The following SLC24A2 variants were observed in gnomAD, a reference collection of about 807,000 sequenced individuals.
SLC24A2 encodes solute carrier family 24 member 2, also known as sodium/potassium/calcium exchanger 2.
A neutral mutation model predicts 62.0 loss-of-function variants in SLC24A2; 36 were observed. That is an observed-to-expected ratio of 0.58 (90% CI 0.44 to 0.77). The LOEUF (loss-of-function observed/expected upper bound fraction) is 0.77, where lower values mean the gene tolerates loss of function less well. SLC24A2 is among the 30% of genes least tolerant of loss of function. SLC24A2 has a pLI of 0.00. For missense variants in SLC24A2, 846 were observed against 817.9 expected (o/e 1.03, Z -0.42); for synonymous variants, 358 against 294.0 (o/e 1.22, Z -2.23).
rs1222233328 is a variant in SLC24A2, at chr9:19,672,451, A to C, written c.931-50152T>G. 3.4e-5 allele frequency among the ~76,000 whole-genome samples: 5 copies of C among 145,962 alleles called. No individual in the cohort carries two copies. In the East Asian group the frequency reaches 9.6e-4, roughly 28 times the overall value. On this transcript the variant is annotated intron_variant, in intron 2 of 10. Transcript: ENST00000341998. The stretch of plus-strand genomic sequence containing the variant: ...TCTCTCTTCTTTGTTAATCTTGCTA[A>C]TGGTCTATCAATTTTATTTATCTTT...
At chr9:19,780,928 G>C (rs563961583) in intron 2 of SLC24A2, among the ~76,000 whole-genome samples, 2 of 136,614 alleles carry the variant, frequency 1.5e-5, no homozygotes, top group South Asian at 4.8e-4. Flanking sequence ...AAGGGAAAAA[G>C]AGAGTTAGAA....
intron 8 of SLC24A2, among the ~76,000 whole-genome samples, chr9:19,539,069 A>G (rs1312922249): frequency 1.0e-4 from 8 of 77,006 alleles, no homozygotes; most frequent in African/African-American, 4.2e-4. Context: ...ATCATTTTTT[A>G]TTGTGTCTAT....
At chr9:20,291,499 G>T in the SLC24A2 span, among the ~76,000 whole-genome samples, 3 of 152,096 alleles carry the variant, frequency 2.0e-5, no homozygotes, top group Non-Finnish European at 4.4e-5. Flanking sequence ...TCTCCCTCGG[G>T]CTCCACACAA....
At chr9:19,905,720 C>T in the SLC24A2 span, among the ~76,000 whole-genome samples, 3 of 152,138 alleles carry the variant, frequency 2.0e-5, no homozygotes, top group Non-Finnish European at 2.9e-5. Flanking sequence ...TAGGGACCTC[C>T]TATTTTCAGA....
the SLC24A2 span, among the ~76,000 whole-genome samples, chr9:20,160,413 T>A: frequency 1.3e-5 from 2 of 151,252 alleles, no homozygotes; most frequent in Non-Finnish European, 1.5e-5. Context: ...AGTAAGGTTA[T>A]AAAAACCCTA....
intron 6 of SLC24A2, among the ~76,000 whole-genome samples, chr9:19,574,092 C>T (rs1835937302): frequency 6.6e-6 from 1 of 152,050 alleles, no homozygotes. Flanking sequence ...TAAGAGGGTT[C>T]GACAGGTTGA....
At chr9:19,784,608 A>T (rs1003665109) in intron 2 of SLC24A2, among the ~76,000 whole-genome samples, 4 of 152,214 alleles carry the variant, frequency 2.6e-5, no homozygotes, top group Non-Finnish European at 5.9e-5. Context: ...CACTTGAGGG[A>T]TCACCTTTTT....
At chr9:20,170,910 T>C in the SLC24A2 span, among the ~76,000 whole-genome samples, 2 of 151,974 alleles carry the variant, frequency 1.3e-5, no homozygotes, top group East Asian at 1.9e-4. Context: ...CCTAGGCACA[T>C]TGTCATCAGG....
chr9:20,151,351 C>T, the SLC24A2 span, among the ~76,000 whole-genome samples: 1 of 151,814 alleles, frequency 6.6e-6, no homozygotes, highest in African/African-American at 2.4e-5. Context: ...ACTATAATGC[C>T]GACTTCCATA....
chr9:19,760,690 A>G (rs1203192139), intron 2 of SLC24A2, among the ~76,000 whole-genome samples: 1 of 152,146 alleles, frequency 6.6e-6, no homozygotes, highest in African/African-American at 2.4e-5. Context: ...TGCAAAGGAC[A>G]TTAAGTCAGT....
At chr9:19,561,576 A>G (rs1317403039) in intron 7 of SLC24A2, among the ~76,000 whole-genome samples, 2 of 151,722 alleles carry the variant, frequency 1.3e-5, no homozygotes, top group East Asian at 3.9e-4. Context: ...CTGGGACTAC[A>G]GGTGCGTGCC....
rs1291614131 is a variant in SLC24A2, at chr9:19,543,682, T to G, written c.1479+6455A>C. Among the ~76,000 whole-genome samples, 4 of 152,308 alleles carry G rather than the reference T, an allele frequency of 2.6e-5. No homozygotes were observed. The East Asian group carries it at 7.7e-4, about 29-fold the overall frequency. On this transcript the variant is annotated intron_variant, in intron 8 of 10. Coordinates refer to ENST00000341998, the MANE Select transcript of SLC24A2 (RefSeq NM_020344.4). ...ATCTTTGTTTCTGCCTTCATTTCGT[T>G]TTTTACCCAGTAGTCATTCAGGAGC...
intron 2 of SLC24A2, among the ~76,000 whole-genome samples, chr9:19,699,138 T>C (rs13285718): frequency 0.19 from 29,116 of 152,092 alleles, 2,953 homozygotes; most frequent in Middle Eastern, 0.24. Context: ...TGGCAATTAC[T>C]GTAACAGCTG....
the SLC24A2 span, among the ~76,000 whole-genome samples, chr9:19,975,156 T>A: frequency 2.6e-5 from 4 of 152,112 alleles, no homozygotes; most frequent in Non-Finnish European, 5.9e-5. Flanking sequence ...CACAAAATGG[T>A]CTGATTTAAA....
the SLC24A2 span, among the ~76,000 whole-genome samples, chr9:20,054,694 C>T: frequency 6.6e-6 from 1 of 152,146 alleles, no homozygotes; most frequent in South Asian, 2.1e-4. Context: ...GCAAAGCCAC[C>T]TCCTAATAGG....
At chr9:19,654,908 G>T (rs1040143681) in intron 2 of SLC24A2, among the ~76,000 whole-genome samples, 8 of 152,152 alleles carry the variant, frequency 5.3e-5, no homozygotes, top group African/African-American at 1.9e-4. Context: ...AACCATGTCT[G>T]CAACATGCAT....
At chr9:19,890,694 T>C in the SLC24A2 span, among the ~76,000 whole-genome samples, 1 of 152,190 alleles carries the variant, frequency 6.6e-6, no homozygotes, top group East Asian at 1.9e-4. Context: ...TTTACTGTTT[T>C]GATACAGGAG....
intron 10 of SLC24A2, among the ~76,000 whole-genome samples, chr9:19,517,286 CTAA>C (rs917979891): frequency 6.6e-6 from 1 of 152,132 alleles, no homozygotes; most frequent in Non-Finnish European, 1.5e-5. Flanking sequence ...ACCCATCAGC[CTAA>C]TGACAGCATG....
At chr9:20,101,122 A>C in the SLC24A2 span, among the ~76,000 whole-genome samples, 6 of 152,230 alleles carry the variant, frequency 3.9e-5, no homozygotes, top group African/African-American at 9.7e-5. Flanking sequence ...ATGTGGTTTT[A>C]AATATAAATC....
Sources: gnomAD v4.1 joint callset for allele counts (sites outside exome capture counted in the v4.1 genomes callset) on GRCh38, gnomAD v4.1.1 for gene constraint, MANE v1.5 for transcripts, NCBI Gene and HGNC (gene_info 2026-07-23, HGNC 2026-07-21) for gene names.